PPP1R9A: variants seen among roughly 807,000 people sequenced by gnomAD.
PPP1R9A encodes protein phosphatase 1 regulatory subunit 9A.
PPP1R9A carries 59 observed loss-of-function variants against 141.9 expected under a neutral mutation model. The observed-to-expected ratio is 0.42, with a 90% CI of 0.34 to 0.52. The LOEUF is 0.52. Ranked by LOEUF, PPP1R9A falls within the 20% of genes least tolerant of loss-of-function variation. The probability of loss-of-function intolerance (pLI) is 0.10; values close to 1 mark genes in which losing one functional copy is unlikely to be tolerated. For synonymous variants in PPP1R9A, 500 were observed against 569.7 expected, an observed-to-expected ratio of 0.88 and a Z score of 1.74; for missense variants, 1,444 against 1,611.9, an observed-to-expected ratio of 0.90 and a Z score of 1.78.
rs562230659 is a variant in PPP1R9A, at chr7:95,269,730, A to G, written c.3124+223A>G. Among the ~76,000 whole-genome samples, 8 of 152,236 alleles carry G rather than the reference A, an allele frequency of 5.3e-5. No individual in the cohort carries two copies. In the South Asian group the frequency reaches 1.0e-3, roughly 20 times the overall value. The stretch of plus-strand genomic sequence containing the variant: ...AGTATTTTTATCTCTTCAGCTCTCT[A>G]TAAGTTTACTACTCAAGGGAGTTCT... On this transcript the variant is annotated intron_variant, in intron 14 of 19. Coordinates refer to ENST00000433360, the MANE Select transcript of PPP1R9A (RefSeq NM_001166160.2).
At chr7:95,012,832 A>G (rs1804615460) in intron 2 of PPP1R9A, among the ~76,000 whole-genome samples, 1 of 152,220 alleles carries the variant, frequency 6.6e-6, no homozygotes, top group Non-Finnish European at 1.5e-5. Context: ...AAAAGTTGGA[A>G]TCACTCAATA....
intron 2 of PPP1R9A, among the ~76,000 whole-genome samples, chr7:95,004,373 C>T (rs1803327943): frequency 1.3e-5 from 2 of 151,974 alleles, no homozygotes; most frequent in Admixed American, 6.6e-5. Context: ...AGAGGACACA[C>T]CTAGGTTACA....
At chr7:95,171,152 A>C (rs932208785) in intron 5 of PPP1R9A, among the ~76,000 whole-genome samples, 1 of 151,546 alleles carries the variant, frequency 6.6e-6, no homozygotes, top group Non-Finnish European at 1.5e-5. Context: ...AAATGCAAAA[A>C]AGAAAAAGAG....
At chr7:95,145,785 A>T (rs1366960664) in intron 4 of PPP1R9A, among the ~76,000 whole-genome samples, 1 of 152,186 alleles carries the variant, frequency 6.6e-6, no homozygotes. Context: ...TTTGCTGAGA[A>T]TGATGGTTTA....
chr7:94,914,971 C>G (rs1791892936), intron 2 of PPP1R9A, among the ~76,000 whole-genome samples: 1 of 152,096 alleles, frequency 6.6e-6, no homozygotes, highest in African/African-American at 2.4e-5. Flanking sequence ...CAACCTTTCT[C>G]TGTTTCTTAT....
intron 4 of PPP1R9A, among the ~76,000 whole-genome samples, chr7:95,159,902 G>A (rs112947730): frequency 7.5e-5 from 11 of 146,446 alleles, no homozygotes; most frequent in African/African-American, 2.5e-4. Flanking sequence ...CTCCAGCCTG[G>A]GTGACAGAGG....
intron 2 of PPP1R9A, among the ~76,000 whole-genome samples, chr7:95,035,178 T>C (rs915622507): frequency 2.0e-5 from 3 of 152,194 alleles, no homozygotes; most frequent in Admixed American, 2.0e-4. Flanking sequence ...GGGTACTACA[T>C]TTTTCAGATT....
intron 5 of PPP1R9A, among the ~76,000 whole-genome samples, chr7:95,173,325 G>T (rs552713045): frequency 6.6e-6 from 1 of 151,772 alleles, no homozygotes; most frequent in African/African-American, 2.4e-5. Flanking sequence ...TATCTGTTGG[G>T]CACAATGTTC....
rs764771275 is a variant in PPP1R9A at position 95,290,094 on chromosome 7, C to T, written c.3916C>T (p.Leu1306Phe). The T allele has an allele frequency of 9.9e-6, 16 of 1,613,132 alleles. No individual in the cohort carries two copies. The highest frequency in any genetic ancestry group is 7.7e-5 in the South Asian group (7 of 91,016). Reference sequence around the variant, plus strand: ...TGTGTGTGTGTTTCTTTCTTAGGCTCTTGGAATGACAGCATCCCAGGACCG... The same window carrying T: ...TGTGTGTGTGTTTCTTTCTTAGGCTTTTGGAATGACAGCATCCCAGGACCG... ...LQLDGNKLKA[L>F]GMTASQDRAV... is the part of the protein sequence containing the mutation. Residue 1306 changes from leucine (L) to phenylalanine (F), a missense_variant, in exon 20 of 20, where the codon CTT becomes TTT. Around this residue, in one of 5 missense-constraint regions of PPP1R9A, gnomAD observed 459 missense variants for 513.8 expected, o/e 0.89. Transcript: ENST00000433360.
At chr7:94,978,922 G>A (rs894420302) in intron 2 of PPP1R9A, among the ~76,000 whole-genome samples, 7 of 152,060 alleles carry the variant, frequency 4.6e-5, no homozygotes, top group East Asian at 3.9e-4. Context: ...TCAGCCTCCC[G>A]AGTAGCTAGG....
intron 4 of PPP1R9A, chr7:95,155,491 C>T (rs894833271): frequency 2.0e-5 from 3 of 152,172 alleles, no homozygotes; most frequent in Non-Finnish European, 4.4e-5. Context: ...CACCAGGACT[C>T]TATTGCTATT....
intron 7 of PPP1R9A, among the ~76,000 whole-genome samples, chr7:95,212,107 A>T (rs1792262692): frequency 6.6e-6 from 1 of 152,216 alleles, no homozygotes; most frequent in South Asian, 2.1e-4. Context: ...TTATATATTT[A>T]AATGTATTTA....
At chr7:94,960,580 G>C (rs963473678) in intron 2 of PPP1R9A, among the ~76,000 whole-genome samples, 2 of 151,606 alleles carry the variant, frequency 1.3e-5, no homozygotes, top group Non-Finnish European at 3.0e-5. Flanking sequence ...CAGATGTTTT[G>C]CATAGACTAT....
chr7:95,244,188 C>G (rs1390771801), intron 8 of PPP1R9A, among the ~76,000 whole-genome samples: 1 of 152,164 alleles, frequency 6.6e-6, no homozygotes, highest in Admixed American at 6.5e-5. Flanking sequence ...ACACTCCAAA[C>G]TTTGCGCAGT....
intron 10 of PPP1R9A, 49 bp downstream of exon 10, chr7:95,250,304 G>C: frequency 6.8e-7 from 1 of 1,473,394 alleles, no homozygotes; most frequent in African/African-American, 1.4e-5. Flanking sequence ...TCTAAAGAAG[G>C]TTTATGTCCA....
intron 4 of PPP1R9A, among the ~76,000 whole-genome samples, chr7:95,135,316 C>A: frequency 6.6e-6 from 1 of 152,200 alleles, no homozygotes; most frequent in East Asian, 1.9e-4. Context: ...ATTACTTTTG[C>A]TAAATTACTA....
chr7:95,104,901 G>A (rs1201988194), intron 2 of PPP1R9A, among the ~76,000 whole-genome samples: 1 of 152,218 alleles, frequency 6.6e-6, no homozygotes, highest in Admixed American at 6.5e-5. Flanking sequence ...TCAGGGTTCT[G>A]CCAAGGAAGC....
chr7:95,160,041 A>C (rs1830237991), intron 4 of PPP1R9A, among the ~76,000 whole-genome samples: 1 of 151,838 alleles, frequency 6.6e-6, no homozygotes, highest in South Asian at 2.1e-4. Flanking sequence ...CTGTTTGACT[A>C]CATTTCTCAT....
At chr7:94,909,079 A>G (rs1791157884) in intron 1 of PPP1R9A, among the ~76,000 whole-genome samples, 1 of 152,258 alleles carries the variant, frequency 6.6e-6, no homozygotes, top group Admixed American at 6.5e-5. Flanking sequence ...AGAGACCAGC[A>G]AGCATGCATT....
Sources: gnomAD v4.1 joint callset for allele counts (sites outside exome capture counted in the v4.1 genomes callset) on GRCh38, gnomAD v4.1.1 for gene constraint, gnomAD v4.1.1 regional missense constraint, MANE v1.5 for transcripts, NCBI Gene and HGNC (gene_info 2026-07-23, HGNC 2026-07-21) for gene names.